Variants in ADGRE5 observed in about 807,000 individuals in gnomAD.
The protein encoded by ADGRE5 is CD97 molecule.
In ADGRE5, 72 loss-of-function variants were observed where a neutral mutation model predicts 100.3. The observed-to-expected ratio is 0.72, with a 90% CI of 0.59 to 0.87. The LOEUF (loss-of-function observed/expected upper bound fraction) is 0.87. Ranked by LOEUF, ADGRE5 falls within the 40% of genes least tolerant of loss-of-function variation. The pLI is 0.00. For synonymous variants in ADGRE5, 439 were observed against 447.8 expected, an observed-to-expected ratio of 0.98 and a Z score of 0.25; for missense variants, 959 against 1,094.7, an observed-to-expected ratio of 0.88 and a Z score of 1.75.
In ADGRE5 at chr19:14,396,449, C is replaced by T. The variant is rs1975781788; in HGVS notation, c.454C>T (p.Pro152Ser). ...CQCLPGFKFI[P>S]EDPKVCTDVN... The stretch of plus-strand genomic sequence containing the variant: ...GTGCCTGCCTGGCTTCAAGTTCATA[C>T]CTGAGGATCCGAAGGTCTGCACAGG... Residue 152 changes from proline to serine, a missense_variant, in exon 5 of 20, where the codon CCT becomes TCT. Physicochemically the swap from Pro to Ser is moderately conservative, Grantham distance 74. Coordinates refer to ENST00000242786, the MANE Select transcript of ADGRE5 (RefSeq NM_078481.4). 1 of 1,614,312 alleles carries T rather than the reference C, an allele frequency of 6.2e-7. No homozygotes were observed. Among genetic ancestry groups the T allele is most frequent in the Non-Finnish European group, 8.5e-7 (1 of 1,180,056 alleles).
chr19:14,404,862 GC>G (rs1440324354), intron 13 of ADGRE5: 41 of 333,818 alleles, frequency 1.2e-4, no homozygotes, highest in Non-Finnish European at 1.8e-4. Context: ...GGCACCACTT[GC>G]CCGTTTTTTT....
At chr19:14,398,162 C>T (rs1332173812) in intron 9 of ADGRE5, 23 bp downstream of exon 9, 2 of 1,610,048 alleles carry the variant, frequency 1.2e-6, no homozygotes, top group African/African-American at 2.7e-5. Flanking sequence ...TGCTGGGGGA[C>T]CCCAGGACAG....
intron 4 of ADGRE5, among the ~76,000 whole-genome samples, chr19:14,392,301 T>TTTTG (rs71164254): frequency 0.56 from 83,203 of 149,758 alleles, 24,036 homozygotes; most frequent in East Asian, 0.71. Context: ...CTTTTATTTG[T>TTTTG]TTTGTTTGTT....
At chr19:14,397,287 C>T in intron 6 of ADGRE5, 64 bp downstream of exon 6, 1 of 1,607,684 alleles carries the variant, frequency 6.2e-7, no homozygotes, top group South Asian at 1.1e-5. Context: ...TTCAACGGCG[C>T]CCACACAAAC....
intron 4 of ADGRE5, among the ~76,000 whole-genome samples, chr19:14,395,147 A>T (rs1975728936): frequency 6.6e-6 from 1 of 152,080 alleles, no homozygotes; most frequent in South Asian, 2.1e-4. Context: ...CTAAAAATAC[A>T]AAAATTAGCC....
At chr19:14,398,040 C>T in intron 8 of ADGRE5, 22 bp from the exon 9 acceptor site, 1 of 1,612,368 alleles carries the variant, frequency 6.2e-7, no homozygotes, top group Non-Finnish European at 8.5e-7. Flanking sequence ...CTCTCTGACC[C>T]CCACATCTCC....
rs571850180 is a variant in ADGRE5 at position 14,382,133 on chromosome 19, G to A, written c.22+588G>A. Among the ~76,000 whole-genome samples, 5 of 152,240 alleles carry A rather than the reference G, an allele frequency of 3.3e-5. No homozygotes were observed. The East Asian group carries it at 5.8e-4, about 18-fold the overall frequency. ...GTGACTTCCTGGGACTCCCTTTCCC[G>A]CCCCACCCAAGGTGACTGTAACGGT... On this transcript the variant is annotated intron_variant, in intron 1 of 19. Coordinates refer to ENST00000242786, the MANE Select transcript of ADGRE5 (RefSeq NM_078481.4).
intron 12 of ADGRE5, among the ~76,000 whole-genome samples, 178 bp downstream of exon 12, chr19:14,403,040 A>AT (rs1976078915): frequency 6.6e-6 from 1 of 151,558 alleles, no homozygotes; most frequent in Non-Finnish European, 1.5e-5. Flanking sequence ...ATTTAATTTA[A>AT]TTAATTAATT....
In ADGRE5 at chr19:14,407,803, CAAACACAA is replaced by C. The variant is rs142485244; in HGVS notation, c.2377-98_2377-91del. The C allele has an allele frequency of 4.1e-3, 3,984 of 968,874 alleles. 103 individuals carry two copies. The African/African-American group carries it at 0.055, about 13-fold the overall frequency. 60.0% of individuals were successfully genotyped at this position (968,874 alleles called of 1,614,324 possible). On this transcript the variant is annotated intron_variant, in intron 18 of 19. Coordinates refer to ENST00000242786, the MANE Select transcript of ADGRE5 (RefSeq NM_078481.4). ...GGGGGACCCGATCTCAAAAAAAAGA[CAAACACAA>C]AAACACCAAGAAGGTGGGGCTGAGG...
At chr19:14,385,796 A>G (rs1599609006) in intron 1 of ADGRE5, among the ~76,000 whole-genome samples, 3 of 141,656 alleles carry the variant, frequency 2.1e-5, no homozygotes, top group African/African-American at 5.3e-5. Flanking sequence ...TCTGAGACGG[A>G]GTCTTGCTCT....
At position 14,404,573 on chromosome 19, in the gene ADGRE5, G is replaced by A; in HGVS notation, c.1629+11G>A. ...CATTATGACGTGGAGGTAAGTAGCT[G>A]GAGGCATCCTCAAGTGCCCACAGGT... On this transcript the variant is annotated intron_variant, in intron 13 of 19. Transcript: ENST00000242786. 1 of 1,610,500 alleles carries A rather than the reference G, an allele frequency of 6.2e-7. No individual in the cohort carries two copies. Among genetic ancestry groups the A allele is most frequent in the Non-Finnish European group, 8.5e-7 (1 of 1,178,658 alleles).
chr19:14,394,810 C>G (rs1025724926), intron 4 of ADGRE5, among the ~76,000 whole-genome samples: 1 of 152,198 alleles, frequency 6.6e-6, no homozygotes, highest in Admixed American at 6.5e-5. Flanking sequence ...GACAGGACAA[C>G]TGTCTCCAGC....
intron 12 of ADGRE5, 125 bp downstream of exon 12, chr19:14,402,987 G>C: frequency 1.3e-6 from 1 of 783,424 alleles, no homozygotes; most frequent in South Asian, 1.7e-5. Context: ...TCTGATTTGG[G>C]CCTTCCCCAA....
intron 9 of ADGRE5, 120 bp downstream of exon 9, chr19:14,398,259 A>G: frequency 1.2e-6 from 1 of 826,634 alleles, no homozygotes; most frequent in Non-Finnish European, 2.0e-6. Flanking sequence ...ACACATGCGC[A>G]TAACATACAC....
chr19:14,406,230 G>C lies in ADGRE5; in HGVS notation c.1822-101G>C. The C allele has an allele frequency of 1.0e-6, 1 of 952,456 alleles. No homozygotes were observed. Among genetic ancestry groups the C allele is most frequent in the South Asian group, 1.7e-5 (1 of 59,430 alleles). The allele number at this position is 952,456 out of a possible 1,614,324, so 59.0% of individuals were successfully genotyped here. On this transcript the variant is annotated intron_variant, in intron 14 of 19. Coordinates refer to ENST00000242786, the MANE Select transcript of ADGRE5 (RefSeq NM_078481.4). This position sits in a 1 kb window ranked among gnomAD's most constrained non-coding sequence, Gnocchi z 6.0. ...CTCCAGACCCGCCCACCCTCCGGCTGTGGTCCCGCCCACTCTCGGGACCTG... is the reference window on the plus strand; with the variant it reads ...CTCCAGACCCGCCCACCCTCCGGCTCTGGTCCCGCCCACTCTCGGGACCTG...
chr19:14,406,550 C>T lies in ADGRE5; in HGVS notation c.2041C>T (p.Pro681Ser). ...CATCTACAGCAAGGGCTACGGCCGC[C>T]CCAGATAGTGAGTGCAGCGAGATGG... Reference protein sequence around the residue: ...AAIYSKGYGRPRYCWLDFEQG... With the variant: ...AAIYSKGYGRSRYCWLDFEQG... Residue 681 changes from proline to serine, a missense_variant, in exon 15 of 20, where the codon CCC becomes TCC. This residue lies in a region of ADGRE5 where 428 missense variants were observed against 386.2 expected (regional missense o/e 1.11). Coordinates refer to ENST00000242786, the MANE Select transcript of ADGRE5 (RefSeq NM_078481.4). This position sits in a 1 kb window ranked among gnomAD's most constrained non-coding sequence, Gnocchi z 6.0. 8 of 1,592,650 alleles carry T rather than the reference C, an allele frequency of 5.0e-6. No individual in the cohort carries two copies. The highest frequency in any genetic ancestry group is 5.1e-6 in the Non-Finnish European group (6 of 1,170,152).
chr19:14,406,949 A>G lies in ADGRE5; in HGVS notation c.2196A>G (p.Leu732=). The stretch of plus-strand genomic sequence containing the variant: ...AAATCAATCCAGACATGAAGAAATT[A>G]AAGAAGGCGAGGTGAGAGGAGAGGC... The part of the protein sequence containing the change: ...FSEINPDMKK[L]KKARALTITA... The change falls in exon 17 of 20, where the codon TTA becomes TTG. Residue 732 remains leucine (L), a synonymous_variant. Transcript: ENST00000242786. This position sits in a 1 kb window ranked among gnomAD's most constrained non-coding sequence, Gnocchi z 6.0. The G allele has an allele frequency of 6.2e-7, 1 of 1,614,100 alleles. No individual in the cohort carries two copies. Among genetic ancestry groups the G allele is most frequent in the South Asian group, 1.1e-5 (1 of 91,086 alleles).
intron 4 of ADGRE5, among the ~76,000 whole-genome samples, chr19:14,394,092 A>T (rs1411101720): frequency 6.6e-6 from 1 of 152,170 alleles, no homozygotes. Context: ...GGTTGTGGTT[A>T]TGAAGGAGGT....
chr19:14,408,406 C>T lies in ADGRE5; in HGVS notation c.*285C>T, dbSNP rs1976377958. The T allele has an allele frequency of 1.7e-6, 1 of 594,398 alleles. No individual in the cohort carries two copies. The highest frequency in any genetic ancestry group is 3.0e-6 in the Non-Finnish European group (1 of 332,606). The allele number at this position is 594,398 out of a possible 1,614,324, so 36.8% of individuals were successfully genotyped here. A position where few individuals can be genotyped will look rare whatever the true frequency, so the allele number is the denominator to read the frequency against. The stretch of plus-strand genomic sequence containing the variant: ...CCAGGGCTGCAATGCAGCATGTTGC[C>T]CTGGCACCTGTGGCCAGTACTCGGG... On this transcript the variant is annotated 3_prime_UTR_variant, in exon 20 of 20. Coordinates refer to ENST00000242786, the MANE Select transcript of ADGRE5 (RefSeq NM_078481.4).
Sources: allele counts gnomAD v4.1 joint callset (sites outside exome capture counted in the v4.1 genomes callset), GRCh38; gene constraint gnomAD v4.1.1; regional missense constraint gnomAD v4.1.1; non-coding constraint Gnocchi (gnomAD v3.1); transcripts MANE v1.5; gene names NCBI Gene and HGNC (gene_info 2026-07-23, HGNC 2026-07-21).